Variants in COL11A1 observed in about 807,000 individuals in gnomAD.
The protein encoded by COL11A1 is collagen alpha-1(XI) chain.
Under a neutral mutation model 265.2 loss-of-function variants are expected in COL11A1, and 74 were observed. The ratio of observed to expected loss-of-function variants is 0.28; its 90% CI spans 0.23 to 0.34. COL11A1 has a LOEUF of 0.34. Ranked by LOEUF, COL11A1 falls within the 10% of genes least tolerant of loss-of-function variation. COL11A1 has a pLI of 1.00. For missense variants in COL11A1, 2,165 were observed against 2,263.6 expected (o/e 0.96, Z 0.88); for synonymous variants, 816 against 727.6 (o/e 1.12, Z -1.96).
At chr1:103,047,244 G>T (rs1210253339) in intron 4 of COL11A1, among the ~76,000 whole-genome samples, 2 of 152,182 alleles carry the variant, frequency 1.3e-5, no homozygotes, top group African/African-American at 4.8e-5. Context: ...CATGAGCATG[G>T]AATGTTCTTC....
intron 24 of COL11A1, among the ~76,000 whole-genome samples, chr1:102,998,755 T>C (rs1307019099): frequency 6.6e-6 from 1 of 151,918 alleles, no homozygotes; most frequent in Non-Finnish European, 1.5e-5. Context: ...TAGTAAGTAC[T>C]AATTCAAAAA....
chr1:103,082,888 C>T lies in COL11A1; in HGVS notation c.191G>A (p.Arg64Lys), dbSNP rs1272896075. Residue 64 changes from arginine (R) to lysine (K), a missense_variant, in exon 2 of 67, where the codon AGA becomes AAA. By Grantham distance (26) the Arg-to-Lys change is conservative (BLOSUM62 2). Transcript: ENST00000370096. ...ISKTTGFCTN[R>K]KNSKGSDTAY... The stretch of plus-strand genomic sequence containing the variant: ...AGTATCTGAGCCTTTAGAATTCTTT[C>T]TGTTTGTGCAAAATCCCGTTGTTTT... 3 of 1,613,518 alleles carry T rather than the reference C, an allele frequency of 1.9e-6. No individual in the cohort carries two copies. The highest frequency in any genetic ancestry group is 1.3e-5 in the African/African-American group (1 of 74,886).
At chr1:103,007,362 G>A (rs1665718964) in intron 15 of COL11A1, among the ~76,000 whole-genome samples, 1 of 152,040 alleles carries the variant, frequency 6.6e-6, no homozygotes, top group African/African-American at 2.4e-5. Flanking sequence ...AAATAAAAGT[G>A]TACAGCTAAT....
chr1:102,923,263 C>A, intron 47 of COL11A1, 73 bp downstream of exon 47: 1 of 1,204,494 alleles, frequency 8.3e-7, no homozygotes, highest in Admixed American at 1.9e-5. Context: ...TGAAAGAACA[C>A]ATAATACTTT....
Position 102,879,902 on chromosome 1 carries a change from A to G in COL11A1, c.5055T>C (p.Asp1685=). The G allele has an allele frequency of 6.2e-7, 1 of 1,610,928 alleles. No individual in the cohort carries two copies. Among genetic ancestry groups the G allele is most frequent in the Non-Finnish European group, 8.5e-7 (1 of 1,177,190 alleles). ...CCATATTGATGGAATTTCCTTCAAC[A>G]TCTAAGTATGAAAGCTAGGAATAAA... The part of the protein sequence containing the change: ...FKRGKLLSYL[D]VEGNSINMVQ... Residue 1685 remains aspartate, a synonymous_variant, in exon 66 of 67, where the codon GAT becomes GAC. Transcript: ENST00000370096.
intron 1 of COL11A1, 85 bp downstream of exon 1, chr1:103,107,988 G>A: frequency 1.1e-6 from 1 of 926,806 alleles, no homozygotes; most frequent in Non-Finnish European, 1.8e-6. Context: ...TGAAGAGCGG[G>A]GAGGAAGGGT....
intron 37 of COL11A1, among the ~76,000 whole-genome samples, chr1:102,965,802 C>T (rs1044440500): frequency 6.6e-6 from 1 of 152,116 alleles, no homozygotes; most frequent in African/African-American, 2.4e-5. Context: ...GTGTTCTTAG[C>T]CCCATTCCAC....
At chr1:103,028,224 G>A (rs1229464842) in intron 5 of COL11A1, among the ~76,000 whole-genome samples, 1 of 151,958 alleles carries the variant, frequency 6.6e-6, no homozygotes, top group African/African-American at 2.4e-5. Context: ...AGTAGAGAGA[G>A]GGTTTCACCA....
rs1652759716 is a variant in COL11A1 at position 102,898,677 on chromosome 1, G to A, written c.4237C>T (p.Pro1413Ser). The A allele has an allele frequency of 6.2e-7, 1 of 1,611,824 alleles. No individual in the cohort carries two copies. The highest frequency in any genetic ancestry group is 8.5e-7 in the Non-Finnish European group (1 of 1,178,812). The change falls in exon 56 of 67, where the codon CCT becomes TCT. Residue 1413 changes from proline (P) to serine (S), a missense_variant. Coordinates refer to ENST00000370096, the MANE Select transcript of COL11A1 (RefSeq NM_001854.4). ...KPGPEGLRGI[P>S]GPVGEQGLPG... Reference sequence around the variant, plus strand: ...ACACAGATGCTCACCACAGGACCAGGGATGCCCCGAAGACCTTCTGGACCA... The same window carrying A: ...ACACAGATGCTCACCACAGGACCAGAGATGCCCCGAAGACCTTCTGGACCA...
intron 54 of COL11A1, among the ~76,000 whole-genome samples, chr1:102,902,000 A>G (rs1288283697): frequency 6.6e-6 from 1 of 152,232 alleles, no homozygotes; most frequent in African/African-American, 2.4e-5. Flanking sequence ...ATATCAGTGT[A>G]CAAAATAGGT....
rs1167152351 is a variant in COL11A1 at position 103,005,987 on chromosome 1, C to T, written c.1791+81G>A. The stretch of plus-strand genomic sequence containing the variant: ...TAAATGCGAAATATTCTCTCAGATT[C>T]AGAAAATGGATTTTTAAATATAAAA... On this transcript the variant is annotated intron_variant, in intron 17 of 66. Coordinates refer to ENST00000370096, the MANE Select transcript of COL11A1 (RefSeq NM_001854.4). 2.2e-5 allele frequency: 35 copies of T among 1,611,044 alleles called. 1 individual carries two copies. The South Asian group carries it at 3.6e-4, about 17-fold the overall frequency.
At chr1:103,019,886 A>G (rs1666871600) in intron 9 of COL11A1, among the ~76,000 whole-genome samples, 1 of 149,368 alleles carries the variant, frequency 6.7e-6, no homozygotes, top group South Asian at 2.2e-4. Flanking sequence ...ATGGTTTCCA[A>G]TTTCATCCAT....
chr1:103,036,487 A>C (rs764749475), intron 4 of COL11A1, among the ~76,000 whole-genome samples: 1 of 150,606 alleles, frequency 6.6e-6, no homozygotes, highest in South Asian at 2.1e-4. Context: ...TTCTATTTAC[A>C]GTCCTAACTT....
At chr1:102,912,108 C>A (rs376567968) in intron 54 of COL11A1, 51 bp downstream of exon 54, 104 of 1,400,832 alleles carry the variant, frequency 7.4e-5, no homozygotes, top group Non-Finnish European at 9.6e-5. Flanking sequence ...ATAAATTTAT[C>A]CATGGTGACT....
intron 4 of COL11A1, among the ~76,000 whole-genome samples, chr1:103,072,760 T>C (rs1008739009): frequency 6.6e-6 from 1 of 151,756 alleles, no homozygotes; most frequent in East Asian, 1.9e-4. Flanking sequence ...TGAAATTTCA[T>C]ATATACATAC....
At chr1:103,034,816 A>G (rs748299508) in intron 4 of COL11A1, among the ~76,000 whole-genome samples, 1 of 151,990 alleles carries the variant, frequency 6.6e-6, no homozygotes, top group Non-Finnish European at 1.5e-5. Flanking sequence ...CATATTAAAT[A>G]ACAACCCTGA....
At position 102,946,869 on chromosome 1, in the gene COL11A1, C is replaced by G. The variant is rs1306515853; in HGVS notation, c.3256G>C (p.Ala1086Pro). ...CTTACAGGAGCACCTTTCTCTCCAG[C>G]TGGACCAGGAGGACCCTGAGGTCCC... ...RPGPQGPPGPAGEKGAPGEKG... is the reference protein window; with the variant it reads ...RPGPQGPPGPPGEKGAPGEKG... The change falls in exon 42 of 67, where the codon GCT (alanine) becomes CCT (proline). Residue 1086 changes from alanine to proline, a missense_variant. Coordinates refer to ENST00000370096, the MANE Select transcript of COL11A1 (RefSeq NM_001854.4). 6.2e-7 allele frequency: 1 copy of G among 1,613,516 alleles called. No individual in the cohort carries two copies. Among genetic ancestry groups the G allele is most frequent in the Non-Finnish European group, 8.5e-7 (1 of 1,179,786 alleles).
chr1:102,993,422 C>T (rs1664326200), intron 28 of COL11A1, among the ~76,000 whole-genome samples: 1 of 152,026 alleles, frequency 6.6e-6, no homozygotes, highest in Non-Finnish European at 1.5e-5. Context: ...TATTTATAGC[C>T]TACCCACATC....
chr1:103,006,651 C>G (rs980202506), intron 15 of COL11A1, among the ~76,000 whole-genome samples: 6 of 150,016 alleles, frequency 4.0e-5, no homozygotes, highest in African/African-American at 1.5e-4. Context: ...CATTCTCCTG[C>G]CTCAGCCTCC....
Sources: allele counts gnomAD v4.1 joint callset (sites outside exome capture counted in the v4.1 genomes callset), GRCh38; gene constraint gnomAD v4.1.1; transcripts MANE v1.5; gene names NCBI Gene and HGNC (gene_info 2026-07-23, HGNC 2026-07-21).